CXorf38: variants seen among roughly 807,000 people sequenced by gnomAD.
The protein encoded by CXorf38 is uncharacterized protein CXorf38.
A neutral mutation model predicts 27.5 loss-of-function variants in CXorf38; 13 were observed. That is an observed-to-expected ratio of 0.47 (90% CI 0.31 to 0.75). The LOEUF (loss-of-function observed/expected upper bound fraction) is 0.75, where lower values mean the gene tolerates loss of function less well. Among genes scored for constraint, CXorf38 ranks in the 30% least tolerant of loss-of-function variants. The pLI is 0.05. For missense variants in CXorf38, 240 were observed against 253.2 expected (o/e 0.95, Z 0.35); for synonymous variants, 100 against 99.8 (o/e 1.00, Z -0.01).
At chrX:40,636,750 T>C (rs751655290) in intron 4 of CXorf38, 38 bp from the exon 5 acceptor site, 4 of 1,097,306 alleles carry the variant, frequency 3.6e-6, no homozygotes, top group Non-Finnish European at 4.9e-6. Flanking sequence ...ACTGATTTCA[T>C]GAAGAAGGCA....
intron 2 of CXorf38, among the ~76,000 whole-genome samples, chrX:40,640,690 A>G (rs1178008038): frequency 9.0e-6 from 1 of 111,337 alleles, no homozygotes; most frequent in East Asian, 2.8e-4. Context: ...CTATAATCCC[A>G]GCACTTTGGG....
At chrX:40,643,832 T>C (rs1387187003) in intron 2 of CXorf38, among the ~76,000 whole-genome samples, 1 of 111,932 alleles carries the variant, frequency 8.9e-6, no homozygotes, top group Non-Finnish European at 1.9e-5. Context: ...ACAAATGGAG[T>C]CTAAATGGAA....
chrX:40,639,207 T>C lies in CXorf38; in HGVS notation c.352-79A>G, dbSNP rs1989852518. Reference sequence around the variant, plus strand: ...GGAAAGGCAATGGTTACTTGTCTATTTTCCAAATGATGACTGAAGTTCTCT... The same window carrying C: ...GGAAAGGCAATGGTTACTTGTCTATCTTCCAAATGATGACTGAAGTTCTCT... On this transcript the variant is annotated intron_variant, in intron 2 of 6. Coordinates refer to ENST00000327877, the MANE Select transcript of CXorf38 (RefSeq NM_144970.3). The C allele has an allele frequency of 7.6e-6, 8 of 1,050,477 alleles. No homozygotes were observed. The South Asian group carries it at 1.7e-4, about 22-fold the overall frequency. The allele number at this position is 1,050,477 out of a possible 1,213,427, so 86.6% of individuals were successfully genotyped here. A position where few individuals can be genotyped will look rare whatever the true frequency, so the allele number is the denominator to read the frequency against.
intron 3 of CXorf38, among the ~76,000 whole-genome samples, chrX:40,638,607 A>G (rs1446114558): frequency 8.9e-6 from 1 of 112,344 alleles, no homozygotes; most frequent in Non-Finnish European, 1.9e-5. Context: ...AAATGCTGGC[A>G]TACAACAGGC....
At chrX:40,633,345 C>T (rs1295683760) in intron 5 of CXorf38, among the ~76,000 whole-genome samples, 2 of 110,482 alleles carry the variant, frequency 1.8e-5, no homozygotes, top group African/African-American at 6.6e-5. Context: ...CATGGCTAAT[C>T]CTCACCTCCT....
chrX:40,642,630 G>A (rs999020234), intron 2 of CXorf38, among the ~76,000 whole-genome samples: 2 of 111,891 alleles, frequency 1.8e-5, no homozygotes, highest in African/African-American at 6.5e-5. Flanking sequence ...AAGCCGAGGC[G>A]GAGTTGGTTG....
intron 2 of CXorf38, 25 bp from the exon 3 acceptor site, chrX:40,639,153 G>A: frequency 1.7e-6 from 2 of 1,196,623 alleles, no homozygotes; most frequent in Non-Finnish European, 2.3e-6. Flanking sequence ...GGAGGAGGGG[G>A]ACCTGAGTCT....
chrX:40,631,285 ACACACG>A (rs771603729), intron 5 of CXorf38, among the ~76,000 whole-genome samples: 2 of 76,647 alleles, frequency 2.6e-5, no homozygotes, highest in African/African-American at 4.2e-5. Flanking sequence ...ACACACACAC[ACACACG>A]TGTATGTGTG....
chrX:40,633,155 T>C (rs1160034100), intron 5 of CXorf38, among the ~76,000 whole-genome samples: 1 of 110,868 alleles, frequency 9.0e-6, no homozygotes, highest in Non-Finnish European at 1.9e-5. Flanking sequence ...CCTACCAGTC[T>C]ACCTGCTTCT....
chrX:40,641,353 C>T (rs915587656), intron 2 of CXorf38, among the ~76,000 whole-genome samples: 1 of 111,976 alleles, frequency 8.9e-6, no homozygotes, highest in Admixed American at 9.5e-5. Flanking sequence ...CTGGCATTTT[C>T]TCACCAATAT....
chrX:40,639,027 A>G lies in CXorf38; in HGVS notation c.453T>C (p.Asp151=). ...CTCTTACCTCTGTGACTTTCTTTCG[A>G]TCAACCACGAAGTGATCGCAGGAGT... ...LINSCDHFVV[D]RKKVTEVIKC... is the part of the protein sequence containing the mutation. Residue 151 remains aspartate, a synonymous_variant, in exon 3 of 7, where the codon GAT becomes GAC. Coordinates refer to ENST00000327877, the MANE Select transcript of CXorf38 (RefSeq NM_144970.3). The G allele has an allele frequency of 1.7e-6, 2 of 1,210,777 alleles. No individual in the cohort carries two copies. The highest frequency in any genetic ancestry group is 1.8e-5 in the South Asian group (1 of 56,909).
At chrX:40,631,689 C>G (rs1024019637) in intron 5 of CXorf38, among the ~76,000 whole-genome samples, 1 of 112,237 alleles carries the variant, frequency 8.9e-6, no homozygotes, top group Middle Eastern at 4.2e-3. Context: ...ACGGAGCACC[C>G]TGCCCTAAGA....
At chrX:40,633,549 T>C (rs1268132240) in intron 5 of CXorf38, among the ~76,000 whole-genome samples, 3 of 111,654 alleles carry the variant, frequency 2.7e-5, no homozygotes, top group South Asian at 3.8e-4. Context: ...CTAAACAGTA[T>C]CTGTCTGTTT....
chrX:40,645,502 T>C (rs948088239), intron 2 of CXorf38, among the ~76,000 whole-genome samples: 2 of 111,546 alleles, frequency 1.8e-5, no homozygotes, highest in Non-Finnish European at 3.8e-5. Context: ...TTTTTCTCTT[T>C]TCTAGGTAGA....
chrX:40,641,862 T>C (rs1928337133), intron 2 of CXorf38, among the ~76,000 whole-genome samples: 1 of 112,053 alleles, frequency 8.9e-6, no homozygotes, highest in Non-Finnish European at 1.9e-5. Context: ...CCTCTCTCTA[T>C]CCTCCACTGT....
At chrX:40,633,893 T>A (rs1927941201) in intron 5 of CXorf38, among the ~76,000 whole-genome samples, 1 of 111,546 alleles carries the variant, frequency 9.0e-6, no homozygotes, top group Admixed American at 9.5e-5. Flanking sequence ...CAGGACTATG[T>A]GAAGGGCACT....
intron 2 of CXorf38, among the ~76,000 whole-genome samples, chrX:40,642,455 CCT>C (rs769815341): frequency 9.0e-6 from 1 of 111,404 alleles, no homozygotes. Context: ...GAGGCCTGGC[CCT>C]GAGTCCTGAG....
At chrX:40,635,136 T>TA (rs1928008894) in intron 5 of CXorf38, among the ~76,000 whole-genome samples, 1 of 113,052 alleles carries the variant, frequency 8.8e-6, no homozygotes, top group Non-Finnish European at 1.9e-5. Flanking sequence ...ATCCTGGCTC[T>TA]AGCTTCTGAA....
At position 40,639,138 on chromosome X, in the gene CXorf38, G is replaced by A; in HGVS notation, c.352-10C>T. On this transcript the variant is annotated splice_polypyrimidine_tract_variant and intron_variant, in intron 2 of 6. Coordinates refer to ENST00000327877, the MANE Select transcript of CXorf38 (RefSeq NM_144970.3). ...CTCGGGGCATGAAGGCCTATAGCAA[G>A]GGAGGGAGGAGGGGGACCTGAGTCT... 1.7e-6 allele frequency: 2 copies of A among 1,206,612 alleles called. No homozygotes were observed. The highest frequency in any genetic ancestry group is 1.1e-6 in the Non-Finnish European group (1 of 892,339).
Sources: allele counts gnomAD v4.1 joint callset (sites outside exome capture counted in the v4.1 genomes callset), GRCh38; gene constraint gnomAD v4.1.1; transcripts MANE v1.5; gene names NCBI Gene and HGNC (gene_info 2026-07-23, HGNC 2026-07-21).